WDR91: variants seen among roughly 807,000 people sequenced by gnomAD.
WDR91 encodes WD repeat domain 91.
A neutral mutation model predicts 88.4 loss-of-function variants in WDR91; 52 were observed. The ratio of observed to expected loss-of-function variants is 0.59; its 90% CI spans 0.47 to 0.74. The LOEUF (loss-of-function observed/expected upper bound fraction) is 0.74. Among genes scored for constraint, WDR91 ranks in the 30% least tolerant of loss-of-function variants. WDR91 has a pLI of 0.00. For missense variants in WDR91, 824 were observed against 954.5 expected (o/e 0.86, Z 1.80); for synonymous variants, 362 against 389.5 (o/e 0.93, Z 0.83).
At chr7:135,211,323 C>T (rs1716602326) in intron 1 of WDR91, 57 bp downstream of exon 1, 1 of 1,559,636 alleles carries the variant, frequency 6.4e-7, no homozygotes, top group Non-Finnish European at 8.7e-7. Context: ...GGGGGGAAGC[C>T]CGCTCCCCGG....
At chr7:135,187,688 GCTT>G (rs1169410470) in intron 13 of WDR91, among the ~76,000 whole-genome samples, 1 of 152,140 alleles carries the variant, frequency 6.6e-6, no homozygotes, top group East Asian at 1.9e-4. Context: ...TATAAACTCA[GCTT>G]CTTATCATAG....
In WDR91 at chr7:135,185,961, G is replaced by A. The variant is rs924349720; in HGVS notation, c.*190C>T. 1.7e-6 allele frequency: 1 copy of A among 581,178 alleles called. No homozygotes were observed. The highest frequency in any genetic ancestry group is 2.8e-6 in the Non-Finnish European group (1 of 350,922). The allele number at this position is 581,178 out of a possible 1,614,324, so 36.0% of individuals were successfully genotyped here. On this transcript the variant is annotated 3_prime_UTR_variant, in exon 15 of 15. Coordinates refer to ENST00000354475, the MANE Select transcript of WDR91 (RefSeq NM_014149.4). Reference sequence around the variant, plus strand: ...CAATACCAGTCTCTGGGAAGCATATGTCACCTACTCCACGTGGGTCCCATT... The same window carrying A: ...CAATACCAGTCTCTGGGAAGCATATATCACCTACTCCACGTGGGTCCCATT...
rs1344664529 is a variant in WDR91, at chr7:135,198,035, A to G, written c.1008T>C (p.His336=). ...AGAAAAGCTCCTTCCTCTCCTTGCCATGGTCCTGCAGGCGCCGCTGCCGGT... is the reference window on the plus strand; with the variant it reads ...AGAAAAGCTCCTTCCTCTCCTTGCCGTGGTCCTGCAGGCGCCGCTGCCGGT... ...SQHRQRRLQD[H]GKERKELFST... Residue 336 remains histidine, a synonymous_variant, in exon 7 of 15, where the codon CAT becomes CAC. Coordinates refer to ENST00000354475, the MANE Select transcript of WDR91 (RefSeq NM_014149.4). 1.2e-6 allele frequency: 2 copies of G among 1,614,008 alleles called. No homozygotes were observed. Among genetic ancestry groups the G allele is most frequent in the Non-Finnish European group, 1.7e-6 (2 of 1,180,004 alleles).
In WDR91 at chr7:135,196,232, C is replaced by G; in HGVS notation, c.1156G>C (p.Glu386Gln). 6.2e-7 allele frequency: 1 copy of G among 1,612,254 alleles called. No homozygotes were observed. Among genetic ancestry groups the G allele is most frequent in the Non-Finnish European group, 8.5e-7 (1 of 1,179,120 alleles). ...TGCTCGGGGCGGACTCCTCCACCCT[C>G]AGGGCCTGCCGAGGATGCCCGAGTC... ...PLTRASSAGP[E>Q]GGGVRPEQPF... is the part of the protein sequence containing the mutation. The change falls in exon 8 of 15, where the codon GAG (glutamate) becomes CAG (glutamine). Residue 386 changes from glutamate to glutamine, a missense_variant. Transcript: ENST00000354475. This position sits in a 1 kb window ranked among gnomAD's most constrained non-coding sequence, Gnocchi z 4.2.
intron 6 of WDR91, 54 bp from the exon 7 acceptor site, chr7:135,198,205 T>G: frequency 6.3e-7 from 1 of 1,579,034 alleles, no homozygotes. Flanking sequence ...CAGGCCATGA[T>G]AAGCATGCCA....
intron 13 of WDR91, 132 bp from the exon 14 acceptor site, chr7:135,187,301 TC>T: frequency 1.2e-6 from 1 of 860,400 alleles, no homozygotes; most frequent in Non-Finnish European, 1.8e-6. Context: ...AGTGCTGACA[TC>T]CTTGAAAAGC....
In WDR91 at chr7:135,184,986, C is replaced by T. The variant is rs986538900; in HGVS notation, c.*1165G>A. 1.3e-5 allele frequency: 2 copies of T among 152,162 alleles called. No homozygotes were observed. The highest frequency in any genetic ancestry group is 4.8e-5 in the African/African-American group (2 of 41,420). The allele number at this position is 152,162 out of a possible 1,614,324, so 9.4% of individuals were successfully genotyped here. On this transcript the variant is annotated 3_prime_UTR_variant, in exon 15 of 15. Transcript: ENST00000354475. ...CTGGGCTCAAGTGATTCTCCTGCCC[C>T]AGCCTCCAGAGTAGCTGGGATTATA...
rs754905802 is a variant in WDR91 at position 135,207,247 on chromosome 7, G to A, written c.512-45C>T. 3.5e-5 allele frequency: 53 copies of A among 1,536,110 alleles called. No homozygotes were observed. The African/African-American group carries it at 5.6e-4, about 16-fold the overall frequency. On this transcript the variant is annotated intron_variant, in intron 3 of 14. Coordinates refer to ENST00000354475, the MANE Select transcript of WDR91 (RefSeq NM_014149.4). ...AAGCCAGCCCCTGAAATGTTTAAAC[G>A]TCCTTCCCAAACCCTTGACACACCA...
chr7:135,209,697 AG>A lies in WDR91; in HGVS notation c.181del (p.Leu61PhefsTer27). On this transcript the variant is annotated frameshift_variant, in exon 2 of 15. Coordinates refer to ENST00000354475, the MANE Select transcript of WDR91 (RefSeq NM_014149.4). LOFTEE classifies it high-confidence loss of function. ...QLMQVYDLAA[L>X]RDYWSYLERR... ...CTCCAAGTAGCTCCAATAATCCCGA[AG>A]GGCAGCCAAGTCATACACCTGCATT... is the stretch of plus-strand genomic sequence containing the variant. 3.7e-6 allele frequency: 6 copies of A among 1,613,528 alleles called. No homozygotes were observed. The highest frequency in any genetic ancestry group is 5.1e-6 in the Non-Finnish European group (6 of 1,179,728).
chr7:135,189,422 C>G lies in WDR91; in HGVS notation c.1690G>C (p.Ala564Pro). Reference sequence around the variant, plus strand: ...TGATTGAAGGCTGTACAGTTGATAGCAATGGGTTCTGGATCCAGGGAGAAC... The same window carrying G: ...TGATTGAAGGCTGTACAGTTGATAGGAATGGGTTCTGGATCCAGGGAGAAC... ...LQFSLDPEPI[A>P]INCTAFNHNG... The change falls in exon 12 of 15, where the codon GCT (alanine) becomes CCT (proline). Residue 564 changes from alanine to proline, a missense_variant. Ala to Pro is a conservative substitution (Grantham distance 27). Coordinates refer to ENST00000354475, the MANE Select transcript of WDR91 (RefSeq NM_014149.4). The G allele has an allele frequency of 6.2e-7, 1 of 1,613,952 alleles. No homozygotes were observed. The highest frequency in any genetic ancestry group is 8.5e-7 in the Non-Finnish European group (1 of 1,179,864).
At chr7:135,198,448 AGGAGC>A in intron 6 of WDR91, 1 of 335,904 alleles carries the variant, frequency 3.0e-6, no homozygotes. Context: ...GTTGAGGGGA[AGGAGC>A]CAGCACTTAC....
chr7:135,205,933 C>T lies in WDR91; in HGVS notation c.720G>A (p.Ser240=), dbSNP rs749543173. The change falls in exon 5 of 15, where the codon TCG becomes TCA. Residue 240 remains serine (S), a synonymous_variant. Transcript: ENST00000354475. Reference sequence around the variant, plus strand: ...GGGCCGTCACACACACTCACAGTTCCGAGTCCCCCAGGCGGTCCATGTTGG... The same window carrying T: ...GGGCCGTCACACACACTCACAGTTCTGAGTCCCCCAGGCGGTCCATGTTGG... ...YVSNMDRLGD[S]ELAMVCSQRN... 91 of 1,613,306 alleles carry T rather than the reference C, an allele frequency of 5.6e-5. No individual in the cohort carries two copies. Among genetic ancestry groups the T allele is most frequent in the Middle Eastern group, 1.8e-4 (1 of 5,478 alleles).
rs1831760587 is a variant in WDR91, at chr7:135,205,995, C to G, written c.658G>C (p.Glu220Gln). ...KKEEQQPEEE[E>Q]ALVQHKLPPY... ...GGCAATTTGTGTTGGACCAAGGCCT[C>G]TTCCTCTTCTGGCTGTTGCTCCTCT... The change falls in exon 5 of 15, where the codon GAG becomes CAG. Residue 220 changes from glutamate to glutamine, a missense_variant. Physicochemically the swap from Glu to Gln is conservative, Grantham distance 29. Transcript: ENST00000354475. 1 of 1,614,096 alleles carries G rather than the reference C, an allele frequency of 6.2e-7. No homozygotes were observed. The highest frequency in any genetic ancestry group is 8.5e-7 in the Non-Finnish European group (1 of 1,180,054).
At chr7:135,201,215 G>A (rs1173733793) in intron 6 of WDR91, among the ~76,000 whole-genome samples, 4 of 152,250 alleles carry the variant, frequency 2.6e-5, no homozygotes, top group East Asian at 3.9e-4. Flanking sequence ...TCTTGCTGGT[G>A]GGAAGGATGG....
At position 135,187,174 on chromosome 7, in the gene WDR91, A is replaced by G; in HGVS notation, c.1882-5T>C. The G allele has an allele frequency of 6.2e-7, 1 of 1,614,076 alleles. No individual in the cohort carries two copies. The highest frequency in any genetic ancestry group is 8.5e-7 in the Non-Finnish European group (1 of 1,180,032). ...GTGGATGTTCCACTGGATGAACTGCAGTCACAGGGCACAAGCAGGGTGCTC... is the reference window on the plus strand; with the variant it reads ...GTGGATGTTCCACTGGATGAACTGCGGTCACAGGGCACAAGCAGGGTGCTC... On this transcript the variant is annotated splice_region_variant and splice_polypyrimidine_tract_variant and intron_variant, in intron 13 of 14. Transcript: ENST00000354475.
At chr7:135,186,458 AC>A in intron 14 of WDR91, 143 bp from the exon 15 acceptor site, 1 of 911,228 alleles carries the variant, frequency 1.1e-6, no homozygotes, top group Non-Finnish European at 1.6e-6. Context: ...AACTTTTTGA[AC>A]CAGGAAATGC....
At chr7:135,207,229 C>A (rs764101183) in intron 3 of WDR91, 27 bp from the exon 4 acceptor site, 2 of 1,585,158 alleles carry the variant, frequency 1.3e-6, no homozygotes, top group Non-Finnish European at 1.7e-6. Context: ...AATAAGCCAG[C>A]CCCTGAAATG....
chr7:135,186,243 C>T lies in WDR91; in HGVS notation c.2152G>A (p.Asp718Asn), dbSNP rs761291094. The T allele has an allele frequency of 4.3e-6, 7 of 1,611,348 alleles. No individual in the cohort carries two copies. Among genetic ancestry groups the T allele is most frequent in the Non-Finnish European group, 5.9e-6 (7 of 1,178,934 alleles). The change falls in exon 15 of 15, where the codon GAC becomes AAC. Residue 718 changes from aspartate (D) to asparagine (N), a missense_variant. Physicochemically the swap from Asp to Asn is conservative, Grantham distance 23. Coordinates refer to ENST00000354475, the MANE Select transcript of WDR91 (RefSeq NM_014149.4). ...GGHRAPVVTV[D>N]WSTAMDCGTC... ...CCACAGTCCATGGCAGTGCTCCAGT[C>T]CACGGTGACCACAGGGGCTCGGTGG...
At position 135,198,070 on chromosome 7, in the gene WDR91, A is replaced by G. The variant is rs770156393; in HGVS notation, c.973T>C (p.Trp325Arg). The change falls in exon 7 of 15, where the codon TGG (tryptophan) becomes CGG (arginine). Residue 325 changes from tryptophan (W) to arginine (R), a missense_variant. Coordinates refer to ENST00000354475, the MANE Select transcript of WDR91 (RefSeq NM_014149.4). ...LSGLATGESG[W>R]SQHRQRRLQD... is the part of the protein sequence containing the mutation. Reference sequence around the variant, plus strand: ...AGGCGCCGCTGCCGGTGCTGTGACCAACCGGACTCCCCAGTGGCCAGCCCG... The same window carrying G: ...AGGCGCCGCTGCCGGTGCTGTGACCGACCGGACTCCCCAGTGGCCAGCCCG... 2 of 1,614,114 alleles carry G rather than the reference A, an allele frequency of 1.2e-6. No individual in the cohort carries two copies. The highest frequency in any genetic ancestry group is 3.3e-5 in the Admixed American group (2 of 60,030).
Sources: gnomAD v4.1 joint callset for allele counts (sites outside exome capture counted in the v4.1 genomes callset) on GRCh38, gnomAD v4.1.1 for gene constraint, Gnocchi (gnomAD v3.1) non-coding constraint, MANE v1.5 for transcripts, NCBI Gene and HGNC (gene_info 2026-07-23, HGNC 2026-07-21) for gene names.